CCPG1: variants seen among roughly 807,000 people sequenced by gnomAD.
The protein encoded by CCPG1 is cell cycle progression 1.
In CCPG1, 46 loss-of-function variants were observed where a neutral mutation model predicts 81.3. The observed-to-expected ratio is 0.57, with a 90% CI of 0.45 to 0.72. The LOEUF (loss-of-function observed/expected upper bound fraction) is 0.72. CCPG1 is among the 30% of genes least tolerant of loss of function. The probability of loss-of-function intolerance (pLI) is 0.00; values close to 1 mark genes in which losing one functional copy is unlikely to be tolerated. For missense variants in CCPG1, 902 were observed against 937.6 expected (o/e 0.96, Z 0.50); for synonymous variants, 330 against 305.2 (o/e 1.08, Z -0.85).
chr15:55,389,499 T>G (rs144075052), intron 1 of CCPG1, 66 bp from the exon 2 acceptor site: 5 of 1,099,524 alleles, frequency 4.5e-6, no homozygotes, highest in Admixed American at 1.8e-5. Flanking sequence ...AAGCACTATA[T>G]GTGACACTAA....
At chr15:55,391,962 A>G (rs957150737) in intron 1 of CCPG1, among the ~76,000 whole-genome samples, 2 of 148,288 alleles carry the variant, frequency 1.3e-5, no homozygotes, top group African/African-American at 5.0e-5. Flanking sequence ...AGGACCGCTC[A>G]AGTCCAAGAG....
intron 4 of CCPG1, among the ~76,000 whole-genome samples, chr15:55,377,868 G>A (rs367912676): frequency 1.6e-4 from 24 of 151,976 alleles, no homozygotes; most frequent in African/African-American, 5.8e-4. Flanking sequence ...ATAAATTTCT[G>A]TTTGTTATAA....
At position 55,363,181 on chromosome 15, in the gene CCPG1, C is replaced by T. The variant is rs76237425; in HGVS notation, c.828+2007G>A. On this transcript the variant is annotated intron_variant, in intron 7 of 8. Coordinates refer to ENST00000442196, the MANE Select transcript of CCPG1 (RefSeq NM_001204450.2). ...TGGCCAACATAGTGAAACCCCATCT[C>T]TACTGAAAATGCAAAAAATGAACCG... Among the ~76,000 whole-genome samples, 33 of 152,168 alleles carry T rather than the reference C, an allele frequency of 2.2e-4. 1 individual carries two copies. In the East Asian group the frequency reaches 6.4e-3, roughly 29 times the overall value.
intron 5 of CCPG1, chr15:55,373,039 G>A (rs566008867): frequency 3.4e-5 from 18 of 534,346 alleles, no homozygotes; most frequent in South Asian, 2.1e-4. Flanking sequence ...AGCTATCTCC[G>A]ATATTAAGGA....
At position 55,395,981 on chromosome 15, in the gene CCPG1, CCA is replaced by C. The variant is rs1478133407; in HGVS notation, c.-9-6550_-9-6549del. Among the ~76,000 whole-genome samples, 3 of 151,974 alleles carry C rather than the reference CCA, an allele frequency of 2.0e-5. No individual in the cohort carries two copies. The East Asian group carries it at 5.8e-4, about 29-fold the overall frequency. The stretch of plus-strand genomic sequence containing the variant: ...CCAACCTGGCCAACATAGTGAAACC[CCA>C]TCTCTACTAAAAATACAAAAATTAG... On this transcript the variant is annotated intron_variant, in intron 1 of 8. Coordinates refer to ENST00000442196, the MANE Select transcript of CCPG1 (RefSeq NM_001204450.2).
intron 7 of CCPG1, among the ~76,000 whole-genome samples, chr15:55,362,656 G>GT (rs1174799183): frequency 6.6e-6 from 1 of 152,180 alleles, no homozygotes; most frequent in African/African-American, 2.4e-5. Context: ...GTTGACATAA[G>GT]TGATTGATAA....
chr15:55,367,194 T>G (rs1480074711), intron 6 of CCPG1, among the ~76,000 whole-genome samples: 1 of 152,206 alleles, frequency 6.6e-6, no homozygotes, highest in African/African-American at 2.4e-5. Context: ...AATCCCAGAT[T>G]TTTTTCAAAT....
rs1051748876 is a variant in CCPG1, at chr15:55,387,922, C to T, written c.60+1443G>A. 1.6e-3 allele frequency among the ~76,000 whole-genome samples: 232 copies of T among 148,274 alleles called. 2 individuals are homozygous for T. Among genetic ancestry groups the T allele is most frequent in the African/African-American group, 5.5e-3 (224 of 40,644 alleles). On this transcript the variant is annotated intron_variant, in intron 2 of 8. Coordinates refer to ENST00000442196, the MANE Select transcript of CCPG1 (RefSeq NM_001204450.2). The stretch of plus-strand genomic sequence containing the variant: ...ATCCCAGTACTTTGGGAGGCCGAGG[C>T]GGGCGGATCACCTGGCGTCGGGAGT...
Position 55,355,346 on chromosome 15 carries a change from C to CA in CCPG1, c.*873dup. ...AAGAACTGCTGTTTTCTTCCACACT[C>CA]ACTTGCCAGAGGGTCGAATTGGAAG... is the stretch of plus-strand genomic sequence containing the variant. On this transcript the variant is annotated 3_prime_UTR_variant, in exon 9 of 9. Transcript: ENST00000442196. 6.2e-7 allele frequency: 1 copy of CA among 1,610,668 alleles called. No homozygotes were observed. Among genetic ancestry groups the CA allele is most frequent in the Non-Finnish European group, 8.5e-7 (1 of 1,177,016 alleles).
In CCPG1 at chr15:55,371,915, A is replaced by G. The variant is rs1163683405; in HGVS notation, c.584T>C (p.Val195Ala). The G allele has an allele frequency of 6.2e-7, 1 of 1,614,108 alleles. No homozygotes were observed. Among genetic ancestry groups the G allele is most frequent in the African/African-American group, 1.3e-5 (1 of 74,942 alleles). ...AGAAGGTTCAGTTTCTTGTTCAGCA[A>G]CTAGCCGGTCTTCAGATTCTGAAGC... ...VSASESEDRL[V>A]AEQETEPSKE... The change falls in exon 6 of 9, where the codon GTT becomes GCT. Residue 195 changes from valine (V) to alanine (A), a missense_variant. Val to Ala is a moderately conservative substitution (Grantham distance 64, BLOSUM62 0). Coordinates refer to ENST00000442196, the MANE Select transcript of CCPG1 (RefSeq NM_001204450.2).
At chr15:55,405,328 C>T (rs190027961) in intron 1 of CCPG1, among the ~76,000 whole-genome samples, 310 of 152,110 alleles carry the variant, frequency 2.0e-3, no homozygotes, top group Non-Finnish European at 3.2e-3. Context: ...TGCCATAGCA[C>T]TCCAGTCTAG....
At position 55,360,717 on chromosome 15, in the gene CCPG1, C is replaced by T. The variant is rs1185393246; in HGVS notation, c.1056G>A (p.Gln352=). ...CCTCTTCCAAATGCTGCTTAAGTTT[C>T]TGATTTTCTTTAACTAATTCAGTAC... ...GTSTELVKEN[Q]KLKQHLEEEK... Residue 352 remains glutamine (Q), a synonymous_variant, in exon 8 of 9, where the codon CAG becomes CAA. Transcript: ENST00000442196. The T allele has an allele frequency of 6.2e-7, 1 of 1,611,940 alleles. No individual in the cohort carries two copies. Among genetic ancestry groups the T allele is most frequent in the East Asian group, 2.2e-5 (1 of 44,878 alleles).
intron 6 of CCPG1, among the ~76,000 whole-genome samples, chr15:55,368,625 G>A (rs2056381384): frequency 6.6e-6 from 1 of 152,166 alleles, no homozygotes; most frequent in African/African-American, 2.4e-5. Flanking sequence ...AAGAAAGACT[G>A]CTTTCTCATG....
chr15:55,375,771 T>C (rs905014151), intron 5 of CCPG1, among the ~76,000 whole-genome samples: 1 of 151,398 alleles, frequency 6.6e-6, no homozygotes, highest in Non-Finnish European at 1.5e-5. Flanking sequence ...CTCAGCTCAC[T>C]ACAGCCTCAA....
At chr15:55,394,922 C>G (rs781135460) in intron 1 of CCPG1, among the ~76,000 whole-genome samples, 3 of 152,092 alleles carry the variant, frequency 2.0e-5, no homozygotes, top group Admixed American at 6.6e-5. Context: ...TCACCCCTCT[C>G]TAATTCCTGT....
At chr15:55,381,285 T>TA (rs71105874) in intron 3 of CCPG1, among the ~76,000 whole-genome samples, 70,279 of 147,858 alleles carry the variant, frequency 0.48, 17,339 homozygotes, top group East Asian at 0.74. Context: ...AAATAAAAAA[T>TA]AAAAAAAAAA....
intron 7 of CCPG1, among the ~76,000 whole-genome samples, chr15:55,363,055 C>CAA (rs1379515280): frequency 3.8e-4 from 56 of 147,982 alleles, no homozygotes; most frequent in Admixed American, 1.7e-3. Flanking sequence ...AAAACAAAAA[C>CAA]AAAAAAAACA....
In CCPG1 at chr15:55,408,336, C is replaced by G. The variant is rs1336028935; in HGVS notation, c.-125G>C. ...ACAACCTGCTCGCAGGCGTCTGCAG[C>G]CGGCAGGCGGTGACCGGCTGGGCGC... On this transcript the variant is annotated 5_prime_UTR_variant, in exon 1 of 9. Coordinates refer to ENST00000442196, the MANE Select transcript of CCPG1 (RefSeq NM_001204450.2). The G allele has an allele frequency of 6.3e-6, 1 of 158,620 alleles. No homozygotes were observed. Among genetic ancestry groups the G allele is most frequent in the Admixed American group, 6.5e-5 (1 of 15,418 alleles). 9.8% of individuals were successfully genotyped at this position (158,620 alleles called of 1,614,324 possible).
At chr15:55,400,722 CA>C (rs2057113263) in intron 1 of CCPG1, among the ~76,000 whole-genome samples, 1 of 152,152 alleles carries the variant, frequency 6.6e-6, no homozygotes, top group Non-Finnish European at 1.5e-5. Flanking sequence ...ATCTCATGAG[CA>C]AAATAATAAA....
Sources: gnomAD v4.1 joint callset for allele counts (sites outside exome capture counted in the v4.1 genomes callset) on GRCh38, gnomAD v4.1.1 for gene constraint, MANE v1.5 for transcripts, NCBI Gene and HGNC (gene_info 2026-07-23, HGNC 2026-07-21) for gene names.